Variants in RNF138 observed in about 807,000 individuals in gnomAD.
RNF138 encodes the protein E3 ubiquitin-protein ligase RNF138.
RNF138 carries 12 observed loss-of-function variants against 31.0 expected under a neutral mutation model. The observed-to-expected ratio is 0.39, with a 90% CI of 0.25 to 0.63. RNF138 has a LOEUF of 0.63. Ranked by LOEUF, RNF138 falls within the 20% of genes least tolerant of loss-of-function variation. The pLI, the probability that RNF138 is intolerant of heterozygous loss-of-function variation, is 0.52. For missense variants in RNF138, 192 were observed against 300.1 expected (o/e 0.64, Z 2.66); for synonymous variants, 105 against 99.5 (o/e 1.06, Z -0.33).
At chr18:32,102,701 C>T (rs1360546018) in intron 2 of RNF138, among the ~76,000 whole-genome samples, 3 of 150,864 alleles carry the variant, frequency 2.0e-5, no homozygotes, top group African/African-American at 7.3e-5. Flanking sequence ...GGCACTATCT[C>T]GGCTCACTGA....
In RNF138 at chr18:32,113,900, TGAAATG is replaced by T. The variant is rs150640792; in HGVS notation, c.392+46_392+51del. On this transcript the variant is annotated intron_variant, in intron 4 of 7. Transcript: ENST00000261593. ...TTCCTAAATACAGAATTTTCATAAT[TGAAATG>T]GAAATTGTTTTGGGAACTATATGAT... is the stretch of plus-strand genomic sequence containing the variant. 663 of 1,025,390 alleles carry T rather than the reference TGAAATG, an allele frequency of 6.5e-4. 1 individual carries two copies. In the African/African-American group the frequency reaches 9.6e-3, roughly 15 times the overall value. 63.5% of individuals were successfully genotyped at this position (1,025,390 alleles called of 1,614,324 possible).
chr18:32,122,826 AAACT>A lies in RNF138; in HGVS notation c.393-677_393-674del, dbSNP rs892252944. Among the ~76,000 whole-genome samples the A allele has an allele frequency of 5.3e-4, 81 of 152,308 alleles. 1 individual carries two copies. The highest frequency in any genetic ancestry group is 2.5e-3 in the South Asian group (12 of 4,824). On this transcript the variant is annotated intron_variant, in intron 4 of 7. Coordinates refer to ENST00000261593, the MANE Select transcript of RNF138 (RefSeq NM_016271.5). ...GCGACAGATTGAGACTCCAGCTCAAAAACTAACTAACTAACTAAATAAATAAAAT... is the reference window on the plus strand; with the variant it reads ...GCGACAGATTGAGACTCCAGCTCAAAAACTAACTAACTAAATAAATAAAAT...
intron 4 of RNF138, among the ~76,000 whole-genome samples, chr18:32,117,207 A>AT (rs914601722): frequency 3.8e-4 from 56 of 147,520 alleles, no homozygotes; most frequent in Middle Eastern, 3.5e-3. Flanking sequence ...CCAGCCAGAA[A>AT]TTTTTTTTTT....
chr18:32,109,841 G>GC (rs1202561589), intron 2 of RNF138, among the ~76,000 whole-genome samples: 1 of 152,122 alleles, frequency 6.6e-6, no homozygotes, highest in Non-Finnish European at 1.5e-5. Context: ...AGCCAAGATC[G>GC]CACCAGTGTA....
chr18:32,127,204 A>G (rs956554698), intron 7 of RNF138, among the ~76,000 whole-genome samples: 2 of 152,216 alleles, frequency 1.3e-5, no homozygotes, highest in Non-Finnish European at 2.9e-5. Context: ...CAAATCTAGC[A>G]TGTAAGACAC....
chr18:32,092,656 C>T (rs1281512683), intron 1 of RNF138, 44 bp from the exon 2 acceptor site: 15 of 675,674 alleles, frequency 2.2e-5, no homozygotes, highest in Non-Finnish European at 3.7e-5. Context: ...CTGGCGCGCG[C>T]TGTATCCTGA....
intron 2 of RNF138, among the ~76,000 whole-genome samples, chr18:32,106,680 TCAGC>T (rs983970771): frequency 1.3e-5 from 2 of 151,974 alleles, no homozygotes; most frequent in Non-Finnish European, 2.9e-5. Context: ...TCCTCCTGCC[TCAGC>T]CTCTTGAGTA....
intron 2 of RNF138, among the ~76,000 whole-genome samples, chr18:32,110,644 T>G (rs2144594357): frequency 6.6e-6 from 1 of 152,346 alleles, no homozygotes; most frequent in Admixed American, 6.5e-5. Context: ...GTATATGTAT[T>G]CTAGATCCCA....
intron 4 of RNF138, among the ~76,000 whole-genome samples, chr18:32,117,371 C>T (rs1236313310): frequency 6.6e-6 from 1 of 151,970 alleles, no homozygotes. Flanking sequence ...TAGGAAGCCA[C>T]AAGGAATAAT....
intron 2 of RNF138, among the ~76,000 whole-genome samples, chr18:32,107,190 G>A (rs1188377130): frequency 4.4e-5 from 6 of 134,884 alleles, no homozygotes; most frequent in African/African-American, 1.1e-4. Context: ...GCGCGATCTC[G>A]GCTCCCTGCA....
At chr18:32,126,967 T>C (rs573163527) in intron 7 of RNF138, among the ~76,000 whole-genome samples, 167 bp downstream of exon 7, 2 of 152,284 alleles carry the variant, frequency 1.3e-5, no homozygotes, top group East Asian at 3.9e-4. Flanking sequence ...CTTGTAGAAA[T>C]GGTAAGGTAA....
Position 32,092,830 on chromosome 18 carries a change from C to T in RNF138, c.54C>T (p.Cys18=). 6.2e-7 allele frequency: 1 copy of T among 1,600,566 alleles called. No homozygotes were observed. Among genetic ancestry groups the T allele is most frequent in the East Asian group, 2.2e-5 (1 of 44,458 alleles). Residue 18 remains cysteine, a synonymous_variant, in exon 2 of 8, where the codon TGC becomes TGT. Coordinates refer to ENST00000261593, the MANE Select transcript of RNF138 (RefSeq NM_016271.5). Reference sequence around the variant, plus strand: ...CCTACACCGAAGATGATTTCTACTGCCCCGTCTGTCAGGAGGTGCTCAAAA... The same window carrying T: ...CCTACACCGAAGATGATTTCTACTGTCCCGTCTGTCAGGAGGTGCTCAAAA... ...ATSYTEDDFY[C]PVCQEVLKTP... is the part of the protein sequence containing the mutation.
chr18:32,126,857 CTT>C (rs748474741), intron 7 of RNF138, 57 bp downstream of exon 7: 1 of 1,107,882 alleles, frequency 9.0e-7, no homozygotes, highest in East Asian at 2.4e-5. Flanking sequence ...GTTAAAATAA[CTT>C]TTTTGTAATC....
chr18:32,122,694 C>T (rs1208040878), intron 4 of RNF138, among the ~76,000 whole-genome samples: 3 of 152,114 alleles, frequency 2.0e-5, no homozygotes, highest in African/African-American at 7.2e-5. Flanking sequence ...CATGGTGGCT[C>T]ACGCCTGTAA....
At position 32,095,265 on chromosome 18, in the gene RNF138, G is replaced by A. The variant is rs2039784412; in HGVS notation, c.110+2379G>A. 2.0e-5 allele frequency among the ~76,000 whole-genome samples: 3 copies of A among 152,198 alleles called. No individual in the cohort carries two copies. In the South Asian group the frequency reaches 6.2e-4, roughly 32 times the overall value. ...TTTCATTGCAGCCTTGACCTCCCCC[G>A]TTGGAGCAACCCTCCCGCCTCAGCC... On this transcript the variant is annotated intron_variant, in intron 2 of 7. Transcript: ENST00000261593.
At chr18:32,128,806 C>T (rs1216109493) in intron 7 of RNF138, among the ~76,000 whole-genome samples, 2 of 152,184 alleles carry the variant, frequency 1.3e-5, no homozygotes, top group East Asian at 3.8e-4. Flanking sequence ...GCTTACCCAG[C>T]TTTCCAGTTA....
At chr18:32,093,143 G>T (rs111272154) in intron 2 of RNF138, among the ~76,000 whole-genome samples, 1 of 144,734 alleles carries the variant, frequency 6.9e-6, no homozygotes, top group Non-Finnish European at 1.5e-5. Context: ...CCGCTCTCCC[G>T]CTCTCCCTGG....
chr18:32,126,853 A>T, intron 7 of RNF138, 53 bp downstream of exon 7: 2 of 1,151,562 alleles, frequency 1.7e-6, no homozygotes, highest in Non-Finnish European at 1.3e-6. Flanking sequence ...TAAAGTTAAA[A>T]TAACTTTTTT....
chr18:32,125,142 C>T (rs1287565665), intron 6 of RNF138: 5 of 229,798 alleles, frequency 2.2e-5, no homozygotes, highest in Admixed American at 5.0e-5. Flanking sequence ...GTAGCACAAC[C>T]TGTCTATTGA....
Sources: allele counts gnomAD v4.1 joint callset (sites outside exome capture counted in the v4.1 genomes callset), GRCh38; gene constraint gnomAD v4.1.1; transcripts MANE v1.5; gene names NCBI Gene and HGNC (gene_info 2026-07-23, HGNC 2026-07-21).